The following RBFOX1 variants were observed in gnomAD, a reference collection of about 807,000 sequenced individuals.
The protein encoded by RBFOX1 is RNA binding fox-1 homolog 1.
In RBFOX1, 8 loss-of-function variants were observed where a neutral mutation model predicts 57.7. The observed-to-expected ratio is 0.14, with a 90% CI of 0.08 to 0.25. RBFOX1 has a LOEUF of 0.25. Among genes scored for constraint, RBFOX1 ranks in the 10% least tolerant of loss-of-function variants. RBFOX1 has a pLI of 1.00. For missense variants in RBFOX1, 611 were observed against 548.5 expected (o/e 1.11, Z -1.14); for synonymous variants, 326 against 222.4 (o/e 1.47, Z -4.15).
intron 4 of RBFOX1, among the ~76,000 whole-genome samples, chr16:7,487,901 C>A (rs1020519244): frequency 5.3e-5 from 8 of 152,180 alleles, no homozygotes; most frequent in Non-Finnish European, 1.2e-4. Flanking sequence ...AAAAGCAAAT[C>A]TATTACCAGC....
chr16:5,706,405 C>G (rs1235177641), intron 3 of RBFOX1, among the ~76,000 whole-genome samples: 4 of 152,178 alleles, frequency 2.6e-5, no homozygotes, highest in Non-Finnish European at 5.9e-5. Context: ...TGCCTTGCTT[C>G]TTGTTTAGCA....
At chr16:5,620,811 C>G (rs963875661) in intron 3 of RBFOX1, among the ~76,000 whole-genome samples, 4 of 152,002 alleles carry the variant, frequency 2.6e-5, no homozygotes, top group Non-Finnish European at 4.4e-5. Flanking sequence ...CTTGAGTAGC[C>G]GGGACCACAG....
intron 4 of RBFOX1, among the ~76,000 whole-genome samples, chr16:7,289,513 A>C (rs914578280): frequency 3.9e-5 from 6 of 152,054 alleles, no homozygotes; most frequent in Admixed American, 2.6e-4. Flanking sequence ...AGTCACCTTC[A>C]TCGTCATCAT....
In RBFOX1 at chr16:7,630,455, C is replaced by A. The variant is rs190018194; in HGVS notation, c.677-148C>A. 1,059 of 1,495,070 alleles carry A rather than the reference C, an allele frequency of 7.1e-4. 9 individuals carry two copies. The African/African-American group carries it at 0.012, about 17-fold the overall frequency. 92.6% of individuals were successfully genotyped at this position (1,495,070 alleles called of 1,614,324 possible). A position where few individuals can be genotyped will look rare whatever the true frequency, so the allele number is the denominator to read the frequency against. On this transcript the variant is annotated intron_variant, in intron 10 of 15. Transcript: ENST00000550418. ...TTCCATTGATTCCCTTTGGCTAAGG[C>A]AGGGGGCTTTGTTGGGTACCCTTGT...
At chr16:7,076,302 G>A (rs1223097635) in intron 4 of RBFOX1, among the ~76,000 whole-genome samples, 1 of 151,912 alleles carries the variant, frequency 6.6e-6, no homozygotes, top group African/African-American at 2.4e-5. Flanking sequence ...AAAGTGCTGG[G>A]ATTTCAGGCG....
At chr16:5,937,106 A>G (rs1442087235) in intron 4 of RBFOX1, among the ~76,000 whole-genome samples, 2 of 152,220 alleles carry the variant, frequency 1.3e-5, no homozygotes, top group Non-Finnish European at 2.9e-5. Flanking sequence ...AGTGTGGATA[A>G]TTTATAAATA....
In RBFOX1 at chr16:5,897,740, C is replaced by A. The variant is rs952374745; in HGVS notation, c.351+30405C>A. Among the ~76,000 whole-genome samples, 15 of 152,172 alleles carry A rather than the reference C, an allele frequency of 9.9e-5. 1 individual carries two copies. The East Asian group carries it at 2.5e-3, about 26-fold the overall frequency. ...AAAGACCTGACTGGTGTCTCCCCAG[C>A]ATTTTGTTTTTTAGTCTGATCATAG... On this transcript the variant is annotated intron_variant, in intron 4 of 19. Coordinates refer to the RBFOX1 transcript ENST00000641259.
intron 4 of RBFOX1, among the ~76,000 whole-genome samples, chr16:7,463,550 T>C (rs903043195): frequency 1.6e-4 from 24 of 152,180 alleles, no homozygotes; most frequent in Non-Finnish European, 1.3e-4. Context: ...AGTCCTACCC[T>C]TATGATGTAA....
intron 2 of RBFOX1, among the ~76,000 whole-genome samples, chr16:6,390,976 G>A (rs547226848): frequency 6.6e-6 from 1 of 152,192 alleles, no homozygotes; most frequent in South Asian, 2.1e-4. Flanking sequence ...CTTTGGTGAG[G>A]GCTGTCCTGT....
At chr16:6,531,213 C>T (rs573371204) in intron 2 of RBFOX1, among the ~76,000 whole-genome samples, 2 of 152,330 alleles carry the variant, frequency 1.3e-5, no homozygotes, top group African/African-American at 4.8e-5. Context: ...TTCTCCAGCG[C>T]TCAGGGACAT....
intron 4 of RBFOX1, among the ~76,000 whole-genome samples, chr16:7,093,266 C>T (rs1461182608): frequency 1.3e-5 from 2 of 152,104 alleles, no homozygotes; most frequent in Non-Finnish European, 2.9e-5. Flanking sequence ...TGAAGGTGTT[C>T]ATTATATTAT....
intron 2 of RBFOX1, among the ~76,000 whole-genome samples, chr16:6,528,968 C>T (rs1217376870): frequency 6.6e-6 from 1 of 152,180 alleles, no homozygotes; most frequent in African/African-American, 2.4e-5. Flanking sequence ...TTATCAATTT[C>T]TATTTCTCTA....
At chr16:5,339,410 C>T (rs1222799725) in intron 1 of RBFOX1, among the ~76,000 whole-genome samples, 2 of 144,210 alleles carry the variant, frequency 1.4e-5, no homozygotes, top group Middle Eastern at 3.6e-3. Context: ...AGACCAAACT[C>T]ATGCTGGTTT....
At position 6,143,763 on chromosome 16, in the gene RBFOX1, G is replaced by C. The variant is rs576506943; in HGVS notation, c.-127+123771G>C. 6.4e-4 allele frequency among the ~76,000 whole-genome samples: 98 copies of C among 152,094 alleles called. 1 individual carries two copies. In the South Asian group the frequency reaches 0.013, roughly 20 times the overall value. On this transcript the variant is annotated intron_variant, in intron 1 of 15. Transcript: ENST00000550418. ...AACTCTTAAGTAGAAGACTACCTGT[G>C]CACCTGATACTTTTGCTTTTCACTT...
chr16:6,818,607 G>T (rs577233503), intron 3 of RBFOX1, among the ~76,000 whole-genome samples: 8 of 152,214 alleles, frequency 5.3e-5, no homozygotes, highest in African/African-American at 1.9e-4. Context: ...CTCTAGTAGG[G>T]CATGTATCAC....
At chr16:7,590,863 GA>G (rs36061659) in intron 7 of RBFOX1, among the ~76,000 whole-genome samples, 76,406 of 102,918 alleles carry the variant, frequency 0.74, 27,460 homozygotes, top group Middle Eastern at 0.84. Flanking sequence ...CTGTCTCTAA[GA>G]AAAAAAAAAA....
intron 4 of RBFOX1, among the ~76,000 whole-genome samples, chr16:7,273,484 A>T (rs889542074): frequency 4.6e-5 from 7 of 152,144 alleles, no homozygotes; most frequent in Non-Finnish European, 1.0e-4. Context: ...CTGGAATTTG[A>T]TGATGACTTA....
intron 3 of RBFOX1, chr16:6,773,902 A>G: frequency 1.0e-6 from 1 of 955,692 alleles, no homozygotes; most frequent in Non-Finnish European, 1.2e-6. Context: ...GTGGGCATGG[A>G]GTGCATTTGC....
chr16:6,105,149 C>G (rs908940058), intron 1 of RBFOX1, among the ~76,000 whole-genome samples: 1 of 152,212 alleles, frequency 6.6e-6, no homozygotes, highest in Non-Finnish European at 1.5e-5. Context: ...TCCTCTCTCA[C>G]CTGAATCTTG....
Sources: allele counts gnomAD v4.1 joint callset (sites outside exome capture counted in the v4.1 genomes callset), GRCh38; gene constraint gnomAD v4.1.1; transcripts MANE v1.5; gene names NCBI Gene and HGNC (gene_info 2026-07-23, HGNC 2026-07-21).